The following KALRN variants were observed in gnomAD, a reference collection of about 807,000 sequenced individuals.
The protein encoded by KALRN is kalirin RhoGEF kinase.
A neutral mutation model predicts 353.7 loss-of-function variants in KALRN; 70 were observed. That is an observed-to-expected ratio of 0.20 (90% CI 0.16 to 0.24). The LOEUF (loss-of-function observed/expected upper bound fraction) is 0.24. Among genes scored for constraint, KALRN ranks in the 10% least tolerant of loss-of-function variants. KALRN has a pLI of 1.00. For synonymous variants in KALRN, 1,391 were observed against 1,434.8 expected, an observed-to-expected ratio of 0.97 and a Z score of 0.69; for missense variants, 2,791 against 3,756.7, an observed-to-expected ratio of 0.74 and a Z score of 6.72.
At chr3:124,286,475 A>T (rs149521644) in intron 5 of KALRN, among the ~76,000 whole-genome samples, 1 of 151,740 alleles carries the variant, frequency 6.6e-6, no homozygotes, top group East Asian at 1.9e-4. Context: ...CTGGTCTGAA[A>T]CTCCTGACCT....
Position 124,723,308 on chromosome 3 carries a change from A to G in KALRN, c.*3838A>G, listed in dbSNP as rs1201384688. ...TCTGAATATAGGGGTGGGACCAGGAATGTTTGAGTTTCAATCTCAGCTATT... is the reference window on the plus strand; with the variant it reads ...TCTGAATATAGGGGTGGGACCAGGAGTGTTTGAGTTTCAATCTCAGCTATT... On this transcript the variant is annotated 3_prime_UTR_variant, in exon 60 of 60. Transcript: ENST00000682506. 6.6e-6 allele frequency: 1 copy of G among 152,222 alleles called. No homozygotes were observed. The highest frequency in any genetic ancestry group is 2.4e-5 in the African/African-American group (1 of 41,458). The allele number at this position is 152,222 out of a possible 1,614,324, so 9.4% of individuals were successfully genotyped here.
intron 48 of KALRN, among the ~76,000 whole-genome samples, chr3:124,673,316 G>A (rs1368577599): frequency 6.6e-6 from 1 of 152,064 alleles, no homozygotes; most frequent in African/African-American, 2.4e-5. Flanking sequence ...AGCCTGGGAA[G>A]TCGAGGCTAC....
intron 16 of KALRN, among the ~76,000 whole-genome samples, chr3:124,431,793 G>A (rs961857504): frequency 3.9e-5 from 6 of 152,140 alleles, no homozygotes; most frequent in Non-Finnish European, 7.3e-5. Flanking sequence ...CCAACTGATT[G>A]CTAGACATTT....
intron 51 of KALRN, 176 bp downstream of exon 51, chr3:124,679,693 T>C (rs776909434): frequency 9.9e-6 from 7 of 707,126 alleles, no homozygotes; most frequent in South Asian, 6.2e-5. Context: ...TTCAGTTCAG[T>C]GTTGGTAGAA....
intron 34 of KALRN, among the ~76,000 whole-genome samples, chr3:124,595,356 A>G (rs1187243934): frequency 6.6e-6 from 1 of 152,224 alleles, no homozygotes; most frequent in Non-Finnish European, 1.5e-5. Context: ...AGATTATTAA[A>G]CTATTAGTAG....
chr3:124,052,640 G>A (rs1322627098), intron 1 of KALRN, among the ~76,000 whole-genome samples: 5 of 151,990 alleles, frequency 3.3e-5, no homozygotes, highest in African/African-American at 7.2e-5. Context: ...TTCCTTCCAT[G>A]CAGAACTCTC....
chr3:124,335,769 T>C (rs1346405528), intron 9 of KALRN, among the ~76,000 whole-genome samples: 1 of 152,232 alleles, frequency 6.6e-6, no homozygotes, highest in Non-Finnish European at 1.5e-5. Flanking sequence ...TCCAGGATTA[T>C]ACATATAAAA....
At chr3:124,693,690 T>A in intron 51 of KALRN, 114 bp from the exon 52 acceptor site, 1 of 628,264 alleles carries the variant, frequency 1.6e-6, no homozygotes, top group Non-Finnish European at 2.7e-6. Flanking sequence ...GAAGTTGGGC[T>A]CCAGGCCTCA....
intron 31 of KALRN, 114 bp from the exon 32 acceptor site, chr3:124,492,626 C>T (rs969908403): frequency 1.8e-6 from 2 of 1,138,606 alleles, no homozygotes; most frequent in African/African-American, 3.1e-5. Context: ...ATAAACTCCC[C>T]AGACATTTGG....
intron 21 of KALRN, among the ~76,000 whole-genome samples, chr3:124,451,667 T>C (rs1009001299): frequency 1.3e-5 from 2 of 152,164 alleles, no homozygotes; most frequent in Admixed American, 6.6e-5. Context: ...AAGCGATGTG[T>C]CTGAACCTCC....
chr3:124,497,120 G>T (rs1280901933), intron 33 of KALRN, among the ~76,000 whole-genome samples: 1 of 152,192 alleles, frequency 6.6e-6, no homozygotes, highest in Non-Finnish European at 1.5e-5. Context: ...TGTAGCAAAG[G>T]CTCTGTGTAT....
At chr3:124,495,980 T>G (rs1444620984) in intron 32 of KALRN, among the ~76,000 whole-genome samples, 1 of 35,028 alleles carries the variant, frequency 2.9e-5, no homozygotes, top group Non-Finnish European at 5.2e-5. Context: ...TATATATATA[T>G]ATATATATAT....
At chr3:124,570,720 T>C (rs1323672526) in intron 34 of KALRN, among the ~76,000 whole-genome samples, 2 of 152,220 alleles carry the variant, frequency 1.3e-5, no homozygotes, top group Non-Finnish European at 2.9e-5. Context: ...TTGACATTTT[T>C]CAGAATCATA....
chr3:124,034,190 G>A (rs1052598237), intron 1 of KALRN, among the ~76,000 whole-genome samples: 1 of 151,888 alleles, frequency 6.6e-6, no homozygotes, highest in Admixed American at 6.6e-5. Flanking sequence ...CCCCTCCCCT[G>A]TGCCTGTCAG....
chr3:124,547,650 C>T (rs764341849), intron 33 of KALRN, among the ~76,000 whole-genome samples: 34 of 152,062 alleles, frequency 2.2e-4, no homozygotes, highest in Non-Finnish European at 4.0e-4. Flanking sequence ...CAATATATTG[C>T]CTGTAGCTAA....
At chr3:124,166,262 G>A (rs1208477337) in intron 1 of KALRN, among the ~76,000 whole-genome samples, 3 of 152,142 alleles carry the variant, frequency 2.0e-5, no homozygotes, top group African/African-American at 4.8e-5. Context: ...TGGAATGTAA[G>A]TTTTATGAAG....
At chr3:124,386,660 G>C (rs2088376397) in intron 11 of KALRN, among the ~76,000 whole-genome samples, 1 of 152,098 alleles carries the variant, frequency 6.6e-6, no homozygotes, top group Non-Finnish European at 1.5e-5. Flanking sequence ...GCCCCTTATG[G>C]TTCTAATGTG....
intron 34 of KALRN, among the ~76,000 whole-genome samples, chr3:124,618,135 G>T (rs1347082549): frequency 1.7e-5 from 2 of 114,738 alleles, no homozygotes; most frequent in Non-Finnish European, 3.4e-5. Context: ...TTGAGATGGA[G>T]TCTCGCTCTG....
At chr3:124,361,270 T>A (rs1450677008) in intron 10 of KALRN, among the ~76,000 whole-genome samples, 1 of 152,238 alleles carries the variant, frequency 6.6e-6, no homozygotes, top group African/African-American at 2.4e-5. Context: ...TATCTTTTTA[T>A]GTTTAATTAC....
Sources: allele counts gnomAD v4.1 joint callset (sites outside exome capture counted in the v4.1 genomes callset), GRCh38; gene constraint gnomAD v4.1.1; transcripts MANE v1.5; gene names NCBI Gene and HGNC (gene_info 2026-07-23, HGNC 2026-07-21).